LRRFIP2: variants seen among roughly 807,000 people sequenced by gnomAD.
LRRFIP2 encodes leucine-rich repeat flightless-interacting protein 2.
LRRFIP2 carries 109 observed loss-of-function variants against 125.9 expected under a neutral mutation model. The observed-to-expected ratio is 0.87, with a 90% CI of 0.74 to 1.01. The LOEUF is 1.01. LRRFIP2 is among the 50% of genes least tolerant of loss of function. The probability of loss-of-function intolerance (pLI) is 0.00; values close to 1 mark genes in which losing one functional copy is unlikely to be tolerated. For missense variants in LRRFIP2, 850 were observed against 862.3 expected, an observed-to-expected ratio of 0.99 and a Z score of 0.18; for synonymous variants, 291 against 293.1, an observed-to-expected ratio of 0.99 and a Z score of 0.07.
At chr3:37,093,074 G>A (rs543810094) in intron 17 of LRRFIP2, 10 of 152,308 alleles carry the variant, frequency 6.6e-5, no homozygotes, top group Admixed American at 3.3e-4. Flanking sequence ...TCCTGACCTC[G>A]TGATCCACCT....
intron 5 of LRRFIP2, 30 bp downstream of exon 5, chr3:37,121,604 AT>A: frequency 4.3e-6 from 7 of 1,613,850 alleles, no homozygotes; most frequent in Non-Finnish European, 5.9e-6. Context: ...GAGGAAAAGT[AT>A]TAGAGGCAAG....
intron 12 of LRRFIP2, 51 bp from the exon 13 acceptor site, chr3:37,108,180 T>A: frequency 7.2e-6 from 10 of 1,385,180 alleles, no homozygotes; most frequent in African/African-American, 1.4e-5. Flanking sequence ...ACCTCATTAT[T>A]CTAATGAGAA....
intron 2 of LRRFIP2, among the ~76,000 whole-genome samples, chr3:37,136,693 T>C (rs1192262619): frequency 6.6e-6 from 1 of 152,074 alleles, no homozygotes; most frequent in Non-Finnish European, 1.5e-5. Context: ...TTCTCAGACT[T>C]GACCACATTA....
At chr3:37,149,293 T>C (rs1439104898) in intron 1 of LRRFIP2, among the ~76,000 whole-genome samples, 1 of 152,138 alleles carries the variant, frequency 6.6e-6, no homozygotes, top group African/African-American at 2.4e-5. Flanking sequence ...AAATTCTACT[T>C]AACCATTTAA....
At chr3:37,056,611 G>A (rs1260998623) in intron 25 of LRRFIP2, among the ~76,000 whole-genome samples, 3 of 151,980 alleles carry the variant, frequency 2.0e-5, no homozygotes, top group African/African-American at 7.3e-5. Flanking sequence ...CCGCCACCAT[G>A]CCTGGCTAAA....
At chr3:37,101,638 C>A (rs1246720471) in intron 15 of LRRFIP2, among the ~76,000 whole-genome samples, 7 of 145,120 alleles carry the variant, frequency 4.8e-5, no homozygotes, top group Non-Finnish European at 7.4e-5. Flanking sequence ...GCACTCCGAC[C>A]TGGACGATAG....
chr3:37,107,181 G>A (rs140772653), intron 13 of LRRFIP2, among the ~76,000 whole-genome samples: 67 of 152,204 alleles, frequency 4.4e-4, no homozygotes, highest in African/African-American at 1.3e-3. Flanking sequence ...GATTACAGGC[G>A]TGAGCCACCA....
intron 21 of LRRFIP2, chr3:37,068,676 TCAAAA>T (rs1164696518): frequency 6.6e-6 from 1 of 152,086 alleles, no homozygotes; most frequent in African/African-American, 2.4e-5. Flanking sequence ...CTTGTAGAGT[TCAAAA>T]TAACTCTTTA....
At chr3:37,097,053 A>G (rs1226454934) in intron 15 of LRRFIP2, among the ~76,000 whole-genome samples, 1 of 152,164 alleles carries the variant, frequency 6.6e-6, no homozygotes, top group Non-Finnish European at 1.5e-5. Flanking sequence ...TCTAAACATT[A>G]TTAGGACACA....
chr3:37,133,941 TATAAAAATTC>T (rs2095492242), intron 2 of LRRFIP2, among the ~76,000 whole-genome samples: 1 of 152,094 alleles, frequency 6.6e-6, no homozygotes, highest in African/African-American at 2.4e-5. Flanking sequence ...ATAAAGTTAA[TATAAAAATTC>T]AGAAAAATTC....
chr3:37,100,836 C>T (rs923477797), intron 15 of LRRFIP2, among the ~76,000 whole-genome samples: 1 of 152,070 alleles, frequency 6.6e-6, no homozygotes, highest in Non-Finnish European at 1.5e-5. Context: ...GACTTGGAAA[C>T]CAGTCTTCTA....
At chr3:37,088,314 C>T (rs907168910) in intron 18 of LRRFIP2, among the ~76,000 whole-genome samples, 1 of 152,120 alleles carries the variant, frequency 6.6e-6, no homozygotes, top group African/African-American at 2.4e-5. Flanking sequence ...TCTGGGATTA[C>T]TGAAGTTAAA....
At chr3:37,116,169 G>A (rs1246987633) in intron 6 of LRRFIP2, among the ~76,000 whole-genome samples, 1 of 152,078 alleles carries the variant, frequency 6.6e-6, no homozygotes, top group African/African-American at 2.4e-5. Context: ...CTTTTGCCCA[G>A]GTTGGAGTAC....
chr3:37,079,474 G>A (rs1310030311), intron 19 of LRRFIP2, among the ~76,000 whole-genome samples: 2 of 152,184 alleles, frequency 1.3e-5, no homozygotes, highest in African/African-American at 4.8e-5. Flanking sequence ...CATGAGCAGT[G>A]GCTCATGCCT....
At chr3:37,145,473 T>C (rs1039638344) in intron 2 of LRRFIP2, among the ~76,000 whole-genome samples, 7 of 152,292 alleles carry the variant, frequency 4.6e-5, no homozygotes, top group East Asian at 1.9e-4. Flanking sequence ...TTTAGGTTAA[T>C]GATATTGTGC....
chr3:37,109,136 T>G (rs1043251775), intron 11 of LRRFIP2, among the ~76,000 whole-genome samples: 1 of 152,226 alleles, frequency 6.6e-6, no homozygotes, highest in Non-Finnish European at 1.5e-5. Flanking sequence ...ACAGAGCTAC[T>G]GCTTTTACTT....
chr3:37,069,804 T>C (rs1326743675), intron 21 of LRRFIP2, among the ~76,000 whole-genome samples: 1 of 152,138 alleles, frequency 6.6e-6, no homozygotes. Flanking sequence ...TTATACAGAG[T>C]GAAAAGGGAT....
At chr3:37,170,800 G>T (rs761583417) in intron 1 of LRRFIP2, 1 of 152,278 alleles carries the variant, frequency 6.6e-6, no homozygotes, top group Middle Eastern at 3.4e-3. Context: ...CTGGACGGGC[G>T]CAGTGGCTCA....
intron 14 of LRRFIP2, 144 bp from the exon 15 acceptor site, chr3:37,103,157 A>G (rs1428594786): frequency 1.0e-5 from 6 of 582,862 alleles, no homozygotes; most frequent in Non-Finnish European, 1.8e-5. Context: ...AAACTGCTGC[A>G]ATTAACCTAC....
Sources: gnomAD v4.1 joint callset for allele counts (sites outside exome capture counted in the v4.1 genomes callset) on GRCh38, gnomAD v4.1.1 for gene constraint, MANE v1.5 for transcripts, NCBI Gene and HGNC (gene_info 2026-07-23, HGNC 2026-07-21) for gene names.